Variants in BUB1 observed in about 807,000 individuals in gnomAD.
BUB1 encodes mitotic checkpoint serine/threonine-protein kinase BUB1.
Under a neutral mutation model 135.2 loss-of-function variants are expected in BUB1, and 84 were observed. The ratio of observed to expected loss-of-function variants is 0.62; its 90% CI spans 0.52 to 0.74. The LOEUF is 0.74. BUB1 is among the 30% of genes least tolerant of loss of function. BUB1 has a pLI of 0.00. For synonymous variants in BUB1, 403 were observed against 434.4 expected (o/e 0.93, Z 0.90); for missense variants, 1,162 against 1,288.3 (o/e 0.90, Z 1.50).
intron 21 of BUB1, 75 bp from the exon 22 acceptor site, chr2:110,641,539 CT>C: frequency 6.4e-7 from 1 of 1,554,154 alleles, no homozygotes; most frequent in Non-Finnish European, 8.7e-7. Context: ...AGCTTTGCCC[CT>C]GCCCACCACT....
At chr2:110,639,684 A>C in intron 24 of BUB1, 58 bp downstream of exon 24, 1 of 1,355,930 alleles carries the variant, frequency 7.4e-7, no homozygotes, top group Non-Finnish European at 1.0e-6. Flanking sequence ...GCCAGATGGA[A>C]CCCAACATTC....
At chr2:110,676,686 G>A (rs907643056) in intron 1 of BUB1, 1 of 152,144 alleles carries the variant, frequency 6.6e-6, no homozygotes, top group Admixed American at 6.5e-5. Context: ...ATATTGTTAG[G>A]CAAAAGAGCA....
At chr2:110,671,383 A>T (rs1574335521) in intron 4 of BUB1, among the ~76,000 whole-genome samples, 2 of 152,364 alleles carry the variant, frequency 1.3e-5, no homozygotes, top group East Asian at 3.9e-4. Flanking sequence ...AATGTTAATT[A>T]TTAAAAGTTG....
chr2:110,659,792 T>C (rs933081835), intron 11 of BUB1, among the ~76,000 whole-genome samples, 186 bp downstream of exon 11: 1 of 152,190 alleles, frequency 6.6e-6, no homozygotes, highest in Non-Finnish European at 1.5e-5. Flanking sequence ...AAGATGAGAC[T>C]AACAAGTGGA....
intron 6 of BUB1, 81 bp downstream of exon 6, chr2:110,669,372 C>T (rs1690354786): frequency 1.0e-6 from 1 of 957,560 alleles, no homozygotes. Context: ...AATGAGATGT[C>T]AAAGTGGATG....
At position 110,641,439 on chromosome 2, in the gene BUB1, G is replaced by T; in HGVS notation, c.2651C>A (p.Thr884Asn). 1 of 1,612,932 alleles carries T rather than the reference G, an allele frequency of 6.2e-7. No homozygotes were observed. The highest frequency in any genetic ancestry group is 8.5e-7 in the Non-Finnish European group (1 of 1,179,710). ...LLNAINLYKNTPEKVMPQGLV... is the reference protein window; with the variant it reads ...LLNAINLYKNNPEKVMPQGLV... The stretch of plus-strand genomic sequence containing the variant: ...ACCTTGAGGCATCACTTTTTCAGGG[G>T]TATTTTTATAGAGGTTAATGGCATT... The change falls in exon 22 of 25, where the codon ACC becomes AAC. Residue 884 changes from threonine to asparagine, a missense_variant. Transcript: ENST00000302759.
chr2:110,663,563 T>C (rs1574329521), intron 9 of BUB1, among the ~76,000 whole-genome samples: 1 of 152,108 alleles, frequency 6.6e-6, no homozygotes, highest in African/African-American at 2.4e-5. Context: ...ACTCCAAAAA[T>C]CTCACCAACA....
intron 5 of BUB1, among the ~76,000 whole-genome samples, chr2:110,670,285 CCCA>C: frequency 6.6e-6 from 1 of 151,880 alleles, no homozygotes; most frequent in South Asian, 2.1e-4. Flanking sequence ...ACTACAGATG[CCCA>C]CCACCACACC....
chr2:110,650,305 C>A (rs933689675), intron 18 of BUB1, among the ~76,000 whole-genome samples: 1 of 152,108 alleles, frequency 6.6e-6, no homozygotes, highest in Non-Finnish European at 1.5e-5. Context: ...AGTAGGCTGT[C>A]AAATTCTAAT....
intron 13 of BUB1, 54 bp from the exon 14 acceptor site, chr2:110,657,699 T>C (rs1689970570): frequency 7.7e-7 from 1 of 1,295,210 alleles, no homozygotes; most frequent in Admixed American, 2.3e-5. Flanking sequence ...AAAACATCCT[T>C]TATATTAAAC....
chr2:110,672,948 A>G, intron 3 of BUB1, 91 bp from the exon 4 acceptor site: 1 of 1,335,328 alleles, frequency 7.5e-7, no homozygotes, highest in Non-Finnish European at 1.0e-6. Flanking sequence ...GGGAGCCCCT[A>G]GGTAGCTTCG....
At chr2:110,653,619 T>G in intron 16 of BUB1, 96 bp from the exon 17 acceptor site, 1 of 960,956 alleles carries the variant, frequency 1.0e-6, no homozygotes, top group Non-Finnish European at 1.6e-6. Context: ...GGATTTCTTT[T>G]GACACTGACT....
At chr2:110,677,424 G>A (rs1212940057) in intron 1 of BUB1, among the ~76,000 whole-genome samples, 1 of 152,122 alleles carries the variant, frequency 6.6e-6, no homozygotes, top group East Asian at 1.9e-4. Context: ...GGAACTTTAA[G>A]TAAAAAGTGA....
chr2:110,644,301 C>A (rs928346973), intron 19 of BUB1, among the ~76,000 whole-genome samples: 1 of 151,308 alleles, frequency 6.6e-6, no homozygotes, highest in Non-Finnish European at 1.5e-5. Context: ...CATGATGAAA[C>A]CCCATCTCTA....
Position 110,641,738 on chromosome 2 carries a change from T to C in BUB1, c.2529A>G (p.Pro843=), listed in dbSNP as rs368828519. 3 of 1,611,996 alleles carry C rather than the reference T, an allele frequency of 1.9e-6. No individual in the cohort carries two copies. The highest frequency in any genetic ancestry group is 1.3e-5 in the African/African-American group (1 of 75,064). The part of the protein sequence containing the change: ...IGTQLMERLK[P]SMQHMFMKFY... Reference sequence around the variant, plus strand: ...ACTTCATAAACATGTGCTGCATAGATGGCTTTAGTCTTTCCATCAACTGGG... The same window carrying C: ...ACTTCATAAACATGTGCTGCATAGACGGCTTTAGTCTTTCCATCAACTGGG... Residue 843 remains proline (P), a synonymous_variant, in exon 21 of 25, where the codon CCA becomes CCG. Transcript: ENST00000302759.
chr2:110,656,746 T>C (rs1689946243), intron 15 of BUB1, among the ~76,000 whole-genome samples: 1 of 152,178 alleles, frequency 6.6e-6, no homozygotes. Flanking sequence ...CAAAAGGAGA[T>C]GAATTAAACT....
chr2:110,671,652 T>C (rs1314901192), intron 4 of BUB1, among the ~76,000 whole-genome samples: 1 of 152,170 alleles, frequency 6.6e-6, no homozygotes, highest in Non-Finnish European at 1.5e-5. Flanking sequence ...ATATACTCTT[T>C]GACTCAATAG....
At chr2:110,656,712 C>G (rs1689945056) in intron 15 of BUB1, among the ~76,000 whole-genome samples, 1 of 152,110 alleles carries the variant, frequency 6.6e-6, no homozygotes, top group Non-Finnish European at 1.5e-5. Flanking sequence ...TTGTCTGAAG[C>G]AAGTCACCAA....
intron 4 of BUB1, among the ~76,000 whole-genome samples, chr2:110,672,226 CA>C (rs879401301): frequency 6.9e-4 from 97 of 141,166 alleles, no homozygotes; most frequent in African/African-American, 1.5e-3. Context: ...GACTCCATCT[CA>C]AAAAAAAAAA....
Sources: gnomAD v4.1 joint callset for allele counts (sites outside exome capture counted in the v4.1 genomes callset) on GRCh38, gnomAD v4.1.1 for gene constraint, MANE v1.5 for transcripts, NCBI Gene and HGNC (gene_info 2026-07-23, HGNC 2026-07-21) for gene names.